Variants in MLXIP observed in about 807,000 individuals in gnomAD.
MLXIP encodes MLX interacting protein.
A neutral mutation model predicts 87.2 loss-of-function variants in MLXIP; 30 were observed. That is an observed-to-expected ratio of 0.34 (90% CI 0.26 to 0.47). The LOEUF (loss-of-function observed/expected upper bound fraction) is 0.47. Ranked by LOEUF, MLXIP falls within the 20% of genes least tolerant of loss-of-function variation. The pLI is 1.00. For synonymous variants in MLXIP, 530 were observed against 514.0 expected (o/e 1.03, Z -0.42); for missense variants, 1,002 against 1,240.1 (o/e 0.81, Z 2.88).
chr12:122,130,955 A>G (rs1048468850), intron 7 of MLXIP, 22 bp downstream of exon 7: 4 of 1,547,074 alleles, frequency 2.6e-6, no homozygotes, highest in African/African-American at 2.7e-5. Flanking sequence ...AGGCAGAGAG[A>G]GCACGGTTGC....
intron 16 of MLXIP, 48 bp downstream of exon 16, chr12:122,141,131 GGAGGACAGCCCCAGGCT>G: frequency 6.4e-7 from 1 of 1,570,620 alleles, no homozygotes; most frequent in East Asian, 2.3e-5. Context: ...AGTCCTGGAG[GGAGGACAGCCCCAGGCT>G]GAGGACAGTA....
Position 122,137,704 on chromosome 12 carries a change from C to T in MLXIP, c.2154+114C>T, listed in dbSNP as rs2135990666. Reference sequence around the variant, plus strand: ...TCAGACCCAGCCAGAGCTGCCCAGGCAGGGGTGGATCAGAAATGGGCTTCT... The same window carrying T: ...TCAGACCCAGCCAGAGCTGCCCAGGTAGGGGTGGATCAGAAATGGGCTTCT... On this transcript the variant is annotated intron_variant, in intron 12 of 16. Transcript: ENST00000319080. The surrounding 1 kb of genome is among the most constrained non-coding windows in gnomAD (Gnocchi z 4.1). The T allele has an allele frequency of 1.3e-6, 2 of 1,496,504 alleles. No individual in the cohort carries two copies. The highest frequency in any genetic ancestry group is 1.8e-6 in the Non-Finnish European group (2 of 1,105,894). The allele number at this position is 1,496,504 out of a possible 1,614,324, so 92.7% of individuals were successfully genotyped here.
At chr12:122,099,295 C>G (rs1292917243) in intron 1 of MLXIP, among the ~76,000 whole-genome samples, 1 of 152,062 alleles carries the variant, frequency 6.6e-6, no homozygotes, top group Non-Finnish European at 1.5e-5. Context: ...ACACAAAAAC[C>G]AAACTATTGC....
intron 1 of MLXIP, among the ~76,000 whole-genome samples, chr12:122,100,595 C>T (rs1349946336): frequency 6.6e-6 from 1 of 152,180 alleles, no homozygotes; most frequent in Non-Finnish European, 1.5e-5. Context: ...TCAACAGTCC[C>T]AGACTTTCTC....
At chr12:122,086,696 G>A (rs910164010) in intron 1 of MLXIP, among the ~76,000 whole-genome samples, 6 of 152,144 alleles carry the variant, frequency 3.9e-5, no homozygotes, top group Non-Finnish European at 8.8e-5. Context: ...CTCTAGCCGC[G>A]TGGATCAGGG....
Position 122,144,078 on chromosome 12 carries a change from G to A in MLXIP, c.*2266G>A, listed in dbSNP as rs1402874335. ...AGAGGTTTTCTTGTTTTCGAATCTT[G>A]CCTGATGAATCCAGCCAGACCAAGG... On this transcript the variant is annotated 3_prime_UTR_variant, in exon 17 of 17. Transcript: ENST00000319080. The A allele has an allele frequency of 1.3e-5, 2 of 152,614 alleles. No individual in the cohort carries two copies. The highest frequency in any genetic ancestry group is 2.9e-5 in the Non-Finnish European group (2 of 68,060). 9.5% of individuals were successfully genotyped at this position (152,614 alleles called of 1,614,324 possible).
intron 1 of MLXIP, among the ~76,000 whole-genome samples, chr12:122,117,326 C>A (rs1272071276): frequency 6.6e-6 from 1 of 152,276 alleles, no homozygotes; most frequent in African/African-American, 2.4e-5. Flanking sequence ...GACATGCACA[C>A]TGCCCCTCCT....
chr12:122,104,162 G>C (rs1952483660), intron 1 of MLXIP, among the ~76,000 whole-genome samples: 1 of 152,056 alleles, frequency 6.6e-6, no homozygotes, highest in Non-Finnish European at 1.5e-5. Flanking sequence ...GCTCTATTAA[G>C]GTATAATATG....
At chr12:122,138,159 GT>G (rs1442706409) in intron 12 of MLXIP, 34 bp from the exon 13 acceptor site, 1 of 1,547,268 alleles carries the variant, frequency 6.5e-7, no homozygotes, top group African/African-American at 1.4e-5. Flanking sequence ...TGCCTGCAAT[GT>G]GCCTGTCTTA....
At position 122,135,333 on chromosome 12, in the gene MLXIP, T is replaced by A; in HGVS notation, c.1842T>A (p.Ala614=). The A allele has an allele frequency of 2.5e-6, 4 of 1,613,350 alleles. No individual in the cohort carries two copies. Among genetic ancestry groups the A allele is most frequent in the Non-Finnish European group, 3.4e-6 (4 of 1,179,648 alleles). The change falls in exon 10 of 17, where the codon GCT becomes GCA. Residue 614 remains alanine (A), a synonymous_variant. Transcript: ENST00000319080. This position sits in a 1 kb window ranked among gnomAD's most constrained non-coding sequence, Gnocchi z 5.3. The part of the protein sequence containing the change: ...VSQSNVVIAP[A]AIARAPGVPE... Reference sequence around the variant, plus strand: ...AGTCCAACGTGGTCATTGCGCCTGCTGCCATCGCCAGGGTGAGGAGGGCCC... The same window carrying A: ...AGTCCAACGTGGTCATTGCGCCTGCAGCCATCGCCAGGGTGAGGAGGGCCC...
intron 1 of MLXIP, among the ~76,000 whole-genome samples, chr12:122,111,286 A>G (rs1430980747): frequency 6.6e-6 from 1 of 152,032 alleles, no homozygotes; most frequent in South Asian, 2.1e-4. Flanking sequence ...TGCAAGTATG[A>G]TCTGTTTTTA....
intron 11 of MLXIP, chr12:122,136,399 G>A (rs1023580978): frequency 8.0e-5 from 12 of 149,246 alleles, no homozygotes; most frequent in African/African-American, 3.0e-4. Context: ...GATCACTTGA[G>A]GTCAGGAGTT....
At position 122,138,176 on chromosome 12, in the gene MLXIP, C is replaced by T. The variant is rs375144859; in HGVS notation, c.2155-18C>T. On this transcript the variant is annotated intron_variant, in intron 12 of 16. Transcript: ENST00000319080. ...CCTGCAATGTGCCTGTCTTAGTGAC[C>T]AGCGGGTTCTCCAGCAGAACCGGCA... is the stretch of plus-strand genomic sequence containing the variant. The T allele has an allele frequency of 4.4e-6, 7 of 1,581,590 alleles. No individual in the cohort carries two copies. The highest frequency in any genetic ancestry group is 6.0e-6 in the Non-Finnish European group (7 of 1,163,876).
At position 122,133,599 on chromosome 12, in the gene MLXIP, C is replaced by T. The variant is rs768155629; in HGVS notation, c.1344C>T (p.Pro448=). 14 of 1,609,656 alleles carry T rather than the reference C, an allele frequency of 8.7e-6. No homozygotes were observed. The highest frequency in any genetic ancestry group is 4.4e-5 in the South Asian group (4 of 90,326). ...SPSPAPPPIS[P]VLPLVPPPAT... Reference sequence around the variant, plus strand: ...GCCCCGCCCCACCGCCCATCTCCCCCGTGTTACCATTAGTTCCTCCTCCTG... The same window carrying T: ...GCCCCGCCCCACCGCCCATCTCCCCTGTGTTACCATTAGTTCCTCCTCCTG... The change falls in exon 9 of 17, where the codon CCC becomes CCT. Residue 448 remains proline, a synonymous_variant. Transcript: ENST00000319080. The surrounding 1 kb of genome is among the most constrained non-coding windows in gnomAD (Gnocchi z 4.9).
intron 9 of MLXIP, chr12:122,134,894 G>A (rs1415671932): frequency 3.2e-5 from 11 of 340,510 alleles, no homozygotes; most frequent in South Asian, 1.2e-4. Flanking sequence ...GGCTGGTCTC[G>A]AACTCCTGAC....
chr12:122,096,118 C>G (rs944280015), intron 1 of MLXIP, among the ~76,000 whole-genome samples: 5 of 151,808 alleles, frequency 3.3e-5, no homozygotes, highest in African/African-American at 1.2e-4. Flanking sequence ...CACTTTGTTG[C>G]CTAGGCTGGG....
At chr12:122,140,454 G>A (rs932505955) in intron 15 of MLXIP, among the ~76,000 whole-genome samples, 2 of 151,888 alleles carry the variant, frequency 1.3e-5, no homozygotes, top group Non-Finnish European at 2.9e-5. Flanking sequence ...CCACCACCAC[G>A]CCCAGCTAAT....
At chr12:122,140,807 T>A in intron 15 of MLXIP, 147 bp from the exon 16 acceptor site, 1 of 1,245,418 alleles carries the variant, frequency 8.0e-7, no homozygotes, top group African/African-American at 1.5e-5. Flanking sequence ...TGCCTAGAGA[T>A]CTCTCCCTCT....
chr12:122,118,199 C>T (rs1437227591), intron 1 of MLXIP, among the ~76,000 whole-genome samples: 2 of 152,110 alleles, frequency 1.3e-5, no homozygotes, highest in Admixed American at 1.3e-4. Context: ...ATGTCCCAGG[C>T]GGGACAGAGC....
Sources: allele counts gnomAD v4.1 joint callset (sites outside exome capture counted in the v4.1 genomes callset), GRCh38; gene constraint gnomAD v4.1.1; non-coding constraint Gnocchi (gnomAD v3.1); transcripts MANE v1.5; gene names NCBI Gene and HGNC (gene_info 2026-07-23, HGNC 2026-07-21).